Variants in AP2S1 observed in about 807,000 individuals in gnomAD.
AP2S1 encodes the protein AP-2 complex subunit sigma.
Under a neutral mutation model 21.0 loss-of-function variants are expected in AP2S1, and 6 were observed. That is an observed-to-expected ratio of 0.29 (90% CI 0.16 to 0.56). The LOEUF (loss-of-function observed/expected upper bound fraction) is 0.56, where lower values mean the gene tolerates loss of function less well. Ranked by LOEUF, AP2S1 falls within the 20% of genes least tolerant of loss-of-function variation. The probability of loss-of-function intolerance (pLI) is 0.92; values close to 1 mark genes in which losing one functional copy is unlikely to be tolerated. For synonymous variants in AP2S1, 63 were observed against 74.6 expected (o/e 0.84, Z 0.80); for missense variants, 60 against 186.2 (o/e 0.32, Z 3.95).
At chr19:46,850,066 C>G in intron 1 of AP2S1, 1 of 1,181,044 alleles carries the variant, frequency 8.5e-7, no homozygotes, top group Non-Finnish European at 1.1e-6. Flanking sequence ...ACTCCCCACC[C>G]CACAAGATCT....
At chr19:46,839,439 C>CCCCGAAA in intron 3 of AP2S1, 26 bp downstream of exon 3, 3 of 1,569,680 alleles carry the variant, frequency 1.9e-6, no homozygotes, top group Non-Finnish European at 2.6e-6. Flanking sequence ...CCCGCCTCCC[C>CCCCGAAA]ACCTTACATC....
intron 2 of AP2S1, 88 bp from the exon 3 acceptor site, chr19:46,839,666 C>A: frequency 6.3e-7 from 1 of 1,588,248 alleles, no homozygotes; most frequent in Non-Finnish European, 8.6e-7. Context: ...CTCCTTCACT[C>A]CATACGTGGT....
At chr19:46,839,050 G>T (rs2055463238) in intron 3 of AP2S1, among the ~76,000 whole-genome samples, 1 of 151,992 alleles carries the variant, frequency 6.6e-6, no homozygotes, top group Non-Finnish European at 1.5e-5. Context: ...ACTTTGGGAG[G>T]CTAAGGCAGA....
intron 2 of AP2S1, among the ~76,000 whole-genome samples, chr19:46,841,384 C>T (rs551371569): frequency 1.6e-4 from 24 of 152,220 alleles, no homozygotes; most frequent in Non-Finnish European, 2.6e-4. Flanking sequence ...CCAGCTACTG[C>T]TCCATCTTTC....
rs2122786746 is a variant in AP2S1 at position 46,845,090 on chromosome 19, C to T, written c.153+903G>A. Among the ~76,000 whole-genome samples, 3 of 122,686 alleles carry T rather than the reference C, an allele frequency of 2.4e-5. No homozygotes were observed. The East Asian group carries it at 6.7e-4, about 28-fold the overall frequency. The allele number at this position is 122,686 out of a possible 152,430, so 80.5% of individuals were successfully genotyped here. A position where few individuals can be genotyped will look rare whatever the true frequency, so the allele number is the denominator to read the frequency against. On this transcript the variant is annotated intron_variant, in intron 2 of 4. Coordinates refer to ENST00000263270, the MANE Select transcript of AP2S1 (RefSeq NM_004069.6). ...CTCCAGCCTGGGTGACTGAGACAGA[C>T]TCCATTTCAGAAAAAAAAAAAAAAA...
chr19:46,839,602 C>T, intron 2 of AP2S1, 24 bp from the exon 3 acceptor site: 1 of 1,614,148 alleles, frequency 6.2e-7, no homozygotes, highest in South Asian at 1.1e-5. Context: ...AGGCTGTCAG[C>T]AACGGAGATT....
intron 2 of AP2S1, among the ~76,000 whole-genome samples, chr19:46,844,155 G>C (rs963865192): frequency 6.6e-6 from 1 of 151,964 alleles, no homozygotes; most frequent in Non-Finnish European, 1.5e-5. Context: ...CACCCACCTT[G>C]GCCTCCCAAA....
Position 46,848,273 on chromosome 19 carries a change from G to A in AP2S1, c.4-2131C>T, listed in dbSNP as rs562878126. Among the ~76,000 whole-genome samples the A allele has an allele frequency of 8.0e-4, 121 of 152,176 alleles. No homozygotes were observed. The South Asian group carries it at 0.015, about 19-fold the overall frequency. On this transcript the variant is annotated intron_variant, in intron 1 of 4. Transcript: ENST00000263270. ...GAGGCGGCTATAATCCCAGCTACTC[G>A]GGAGGCTGAGGCATGAGAATCACTT...
Position 46,838,760 on chromosome 19 carries a change from G to C in AP2S1, c.307C>G (p.Leu103Val). The change falls in exon 4 of 5, where the codon CTG becomes GTG. Residue 103 changes from leucine (L) to valine (V), a missense_variant. Transcript: ENST00000263270. The surrounding 1 kb of genome is among the most constrained non-coding windows in gnomAD (Gnocchi z 4.1). Reference protein sequence around the residue: ...EYFHNVCELDLVFNFYKVYTV... With the variant: ...EYFHNVCELDVVFNFYKVYTV... ...CCTACCTTGTAGAAGTTGAACACCAGGTCCAGTTCACAGACATTGTGGAAA... is the reference window on the plus strand; with the variant it reads ...CCTACCTTGTAGAAGTTGAACACCACGTCCAGTTCACAGACATTGTGGAAA... 6.2e-7 allele frequency: 1 copy of C among 1,613,322 alleles called. No homozygotes were observed. Among genetic ancestry groups the C allele is most frequent in the Non-Finnish European group, 8.5e-7 (1 of 1,179,442 alleles).
intron 1 of AP2S1, 135 bp downstream of exon 1, chr19:46,850,629 T>C: frequency 1.2e-6 from 1 of 869,328 alleles, no homozygotes; most frequent in African/African-American, 1.7e-5. Context: ...CCTGGATCGG[T>C]CCCAATCCCC....
chr19:46,846,262 C>T, intron 1 of AP2S1, 120 bp from the exon 2 acceptor site: 1 of 1,305,600 alleles, frequency 7.7e-7, no homozygotes, highest in South Asian at 1.4e-5. Context: ...TCCCTGCTGC[C>T]TGACTTCCAG....
intron 1 of AP2S1, among the ~76,000 whole-genome samples, chr19:46,849,010 C>CTTTT (rs59512372): frequency 1.8e-5 from 1 of 56,168 alleles, no homozygotes; most frequent in Non-Finnish European, 3.1e-5. Flanking sequence ...TGTGCCCAGC[C>CTTTT]TTTTTTTTTT....
chr19:46,850,710 A>G (rs753501485), intron 1 of AP2S1, 54 bp downstream of exon 1: 7 of 1,452,956 alleles, frequency 4.8e-6, no homozygotes, highest in Non-Finnish European at 6.7e-6. Context: ...AGCCTCGGCT[A>G]TTTACGCGTG....
chr19:46,846,074 A>G lies in AP2S1; in HGVS notation c.72T>C (p.Asp24=), dbSNP rs2122792537. 1.2e-6 allele frequency: 2 copies of G among 1,614,112 alleles called. No individual in the cohort carries two copies. The highest frequency in any genetic ancestry group is 1.7e-6 in the Non-Finnish European group (2 of 1,180,034). Residue 24 remains aspartate (D), a synonymous_variant, in exon 2 of 5, where the codon GAT becomes GAC. Coordinates refer to ENST00000263270, the MANE Select transcript of AP2S1 (RefSeq NM_004069.6). The part of the protein sequence containing the change: ...TRLAKWYMQF[D]DDEKQKLIEE... ...CGATCAGCTTCTGTTTCTCATCATC[A>G]TCAAACTGCATGTACCACTTGGCCA...
chr19:46,841,381 C>T (rs1336405681), intron 2 of AP2S1, among the ~76,000 whole-genome samples: 1 of 152,252 alleles, frequency 6.6e-6, no homozygotes, highest in Non-Finnish European at 1.5e-5. Context: ...CCTCCAGCTA[C>T]TGCTCCATCT....
rs1229404009 is a variant in AP2S1, at chr19:46,846,441, G to GT, written c.4-300dup. ...CCTCCACCACCTCTTATCTCTCTCTGTTTTTTTTTTTTTTTTTTTTTGTAG... is the reference window on the plus strand; with the variant it reads ...CCTCCACCACCTCTTATCTCTCTCTGTTTTTTTTTTTTTTTTTTTTTTGTAG... On this transcript the variant is annotated intron_variant, in intron 1 of 4. Coordinates refer to ENST00000263270, the MANE Select transcript of AP2S1 (RefSeq NM_004069.6). Among the ~76,000 whole-genome samples, 716 of 104,666 alleles carry GT rather than the reference G, an allele frequency of 6.8e-3. 22 individuals carry two copies. The highest frequency in any genetic ancestry group is 9.6e-3 in the South Asian group (33 of 3,444). The allele number at this position is 104,666 out of a possible 152,430, so 68.7% of individuals were successfully genotyped here.
intron 1 of AP2S1, among the ~76,000 whole-genome samples, chr19:46,847,691 T>C (rs1027253053): frequency 4.6e-5 from 7 of 152,216 alleles, no homozygotes; most frequent in Admixed American, 3.3e-4. Context: ...AGTGGAATCA[T>C]GCACTCTGTG....
At chr19:46,850,277 T>A in intron 1 of AP2S1, 2 of 1,234,510 alleles carry the variant, frequency 1.6e-6, no homozygotes, top group Non-Finnish European at 2.0e-6. Flanking sequence ...TGTCTCAACA[T>A]CCCCTCTCCA....
Position 46,850,757 on chromosome 19 carries a change from C to T in AP2S1, c.3+7G>A. 1 of 1,585,712 alleles carries T rather than the reference C, an allele frequency of 6.3e-7. No homozygotes were observed. Among genetic ancestry groups the T allele is most frequent in the African/African-American group, 1.4e-5 (1 of 73,664 alleles). On this transcript the variant is annotated splice_region_variant and intron_variant, in intron 1 of 4. Transcript: ENST00000263270. ...CGCCAGTCCCCGGCGTAGCGCTCCC[C>T]CGTTACCATGGCGACCCCCGTCCAG...
Sources: gnomAD v4.1 joint callset for allele counts (sites outside exome capture counted in the v4.1 genomes callset) on GRCh38, gnomAD v4.1.1 for gene constraint, Gnocchi (gnomAD v3.1) non-coding constraint, MANE v1.5 for transcripts, NCBI Gene and HGNC (gene_info 2026-07-23, HGNC 2026-07-21) for gene names.